Variants in COIL observed in about 807,000 individuals in gnomAD.
The protein encoded by COIL is coilin p80.
Under a neutral mutation model 51.6 loss-of-function variants are expected in COIL, and 28 were observed. The observed-to-expected ratio is 0.54, with a 90% CI of 0.40 to 0.74. COIL has a LOEUF of 0.74. Ranked by LOEUF, COIL falls within the 30% of genes least tolerant of loss-of-function variation. COIL has a pLI of 0.00. For synonymous variants in COIL, 233 were observed against 255.8 expected (o/e 0.91, Z 0.85); for missense variants, 667 against 685.9 (o/e 0.97, Z 0.31).
intron 6 of COIL, chr17:56,939,986 T>A (rs953537732): frequency 6.6e-6 from 1 of 152,042 alleles, no homozygotes; most frequent in Admixed American, 6.6e-5. Flanking sequence ...CGCTCTGTAG[T>A]TCTTATCCTA....
At chr17:56,947,721 T>C (rs1041164842) in intron 4 of COIL, among the ~76,000 whole-genome samples, 1 of 152,180 alleles carries the variant, frequency 6.6e-6, no homozygotes, top group Non-Finnish European at 1.5e-5. Context: ...TTCACCTACC[T>C]TGGCCTCCCA....
intron 4 of COIL, among the ~76,000 whole-genome samples, chr17:56,948,346 A>G (rs911834546): frequency 2.0e-5 from 3 of 151,362 alleles, no homozygotes; most frequent in Admixed American, 2.0e-4. Context: ...TCACTGTGTT[A>G]GCCAGGATGG....
At chr17:56,952,144 G>C (rs1910385583) in intron 1 of COIL, 1 of 465,450 alleles carries the variant, frequency 2.1e-6, no homozygotes. Context: ...GATGAAGCAT[G>C]GTTACACTGG....
rs1182604189 is a variant in COIL, at chr17:56,949,689, C to A, written c.1432G>T (p.Ala478Ser). 1 of 1,613,426 alleles carries A rather than the reference C, an allele frequency of 6.2e-7. No homozygotes were observed. Among genetic ancestry groups the A allele is most frequent in the Non-Finnish European group, 8.5e-7 (1 of 1,179,332 alleles). The change falls in exon 3 of 7, where the codon GCA (alanine) becomes TCA (serine). Residue 478 changes from alanine to serine, a missense_variant. Transcript: ENST00000240316. Reference sequence around the variant, plus strand: ...GTTCTTTTGAAATATACCTTAAATGCAATCTTTTCTCCAACTTGAGGGGCA... The same window carrying A: ...GTTCTTTTGAAATATACCTTAAATGAAATCTTTTCTCCAACTTGAGGGGCA... ...AAAPQVGEKI[A>S]FKLLELTSSY...
chr17:56,947,750 C>T (rs1910277555), intron 4 of COIL, among the ~76,000 whole-genome samples: 1 of 152,120 alleles, frequency 6.6e-6, no homozygotes, highest in African/African-American at 2.4e-5. Context: ...GGATTACAGG[C>T]ATGAGCCACT....
intron 4 of COIL, among the ~76,000 whole-genome samples, chr17:56,948,023 T>C (rs1910282688): frequency 1.3e-5 from 2 of 151,830 alleles, no homozygotes; most frequent in East Asian, 1.9e-4. Context: ...ACCTCATCCA[T>C]AGGAGATAGT....
chr17:56,949,667 C>T lies in COIL; in HGVS notation c.1440+14G>A, dbSNP rs750426333. 1.3e-5 allele frequency: 21 copies of T among 1,608,286 alleles called. No individual in the cohort carries two copies. The highest frequency in any genetic ancestry group is 7.7e-5 in the South Asian group (7 of 90,950). On this transcript the variant is annotated intron_variant, in intron 3 of 6. Transcript: ENST00000240316. ...ATGAACCTTTTTTGCTGTGACTGTTCTTTTGAAATATACCTTAAATGCAAT... is the reference window on the plus strand; with the variant it reads ...ATGAACCTTTTTTGCTGTGACTGTTTTTTTGAAATATACCTTAAATGCAAT...
rs114973444 is a variant in COIL, at chr17:56,944,198, A to G, written c.1559-2075T>C. Among the ~76,000 whole-genome samples, 1,206 of 152,198 alleles carry G rather than the reference A, an allele frequency of 7.9e-3. 18 individuals carry two copies. The highest frequency in any genetic ancestry group is 0.028 in the African/African-American group (1,157 of 41,532). ...CATCACTATTAATCACCTGACAAGCACTGATCAGGCTGTATGCACAGAATT... is the reference window on the plus strand; with the variant it reads ...CATCACTATTAATCACCTGACAAGCGCTGATCAGGCTGTATGCACAGAATT... On this transcript the variant is annotated intron_variant, in intron 5 of 6. Coordinates refer to ENST00000240316, the MANE Select transcript of COIL (RefSeq NM_004645.3).
intron 1 of COIL, among the ~76,000 whole-genome samples, chr17:56,960,270 T>C (rs1294445458): frequency 6.6e-6 from 1 of 150,562 alleles, no homozygotes; most frequent in Non-Finnish European, 1.5e-5. Flanking sequence ...ACGCCTGCAA[T>C]CCCAGCACTT....
chr17:56,953,961 C>G (rs1910433446), intron 1 of COIL, among the ~76,000 whole-genome samples: 1 of 152,266 alleles, frequency 6.6e-6, no homozygotes, highest in African/African-American at 2.4e-5. Context: ...AGTTTGGCAT[C>G]CTGTGAATCT....
At chr17:56,947,174 T>C (rs1271446301) in intron 4 of COIL, among the ~76,000 whole-genome samples, 1 of 152,128 alleles carries the variant, frequency 6.6e-6, no homozygotes, top group Non-Finnish European at 1.5e-5. Flanking sequence ...TGCCTCTACC[T>C]GGAATTTCTG....
In COIL at chr17:56,938,790, GAA is replaced by G. The variant is rs1910089574; in HGVS notation, c.*279_*280del. On this transcript the variant is annotated 3_prime_UTR_variant, in exon 7 of 7. Transcript: ENST00000240316. ...TACTTGATGGCCAAAAACATTTAAA[GAA>G]AGAGAAGAAACCATACTGGTATACA... 1 of 233,362 alleles carries G rather than the reference GAA, an allele frequency of 4.3e-6. No homozygotes were observed. Among genetic ancestry groups the G allele is most frequent in the Non-Finnish European group, 8.2e-6 (1 of 121,908 alleles). The allele number at this position is 233,362 out of a possible 1,614,324, so 14.5% of individuals were successfully genotyped here. A position where few individuals can be genotyped will look rare whatever the true frequency, so the allele number is the denominator to read the frequency against.
intron 3 of COIL, 76 bp from the exon 4 acceptor site, chr17:56,949,510 C>T (rs1910313185): frequency 6.6e-7 from 1 of 1,508,808 alleles, no homozygotes; most frequent in African/African-American, 1.4e-5. Flanking sequence ...TCCATCATGC[C>T]ATGTTGGCGT....
chr17:56,961,034 A>C lies in COIL; in HGVS notation c.-15T>G. 1 of 1,610,510 alleles carries C rather than the reference A, an allele frequency of 6.2e-7. No individual in the cohort carries two copies. The highest frequency in any genetic ancestry group is 8.5e-7 in the Non-Finnish European group (1 of 1,178,416). ...GAAGCTGCCATCTTGCTTGGTGCTC[A>C]ACGGAAGCCGAGAGATACCACGGGG... On this transcript the variant is annotated 5_prime_UTR_variant, in exon 1 of 7. Coordinates refer to ENST00000240316, the MANE Select transcript of COIL (RefSeq NM_004645.3).
intron 4 of COIL, among the ~76,000 whole-genome samples, chr17:56,947,220 A>G (rs1017291241): frequency 6.6e-6 from 1 of 152,174 alleles, no homozygotes; most frequent in Admixed American, 6.5e-5. Flanking sequence ...ACCAGACTCA[A>G]CAGGGAATCA....
intron 5 of COIL, among the ~76,000 whole-genome samples, chr17:56,945,338 A>G (rs923789167): frequency 3.9e-5 from 6 of 152,224 alleles, no homozygotes; most frequent in Non-Finnish European, 7.4e-5. Flanking sequence ...ACTCTGTCAA[A>G]AAAAAAAGGA....
chr17:56,958,098 T>A (rs1341766532), intron 1 of COIL, among the ~76,000 whole-genome samples: 2 of 152,294 alleles, frequency 1.3e-5, no homozygotes, highest in East Asian at 3.9e-4. Context: ...CCAGCTTTTG[T>A]CTCTATAACT....
At chr17:56,945,199 ATGG>A (rs1910223582) in intron 5 of COIL, among the ~76,000 whole-genome samples, 1 of 151,922 alleles carries the variant, frequency 6.6e-6, no homozygotes, top group Admixed American at 6.6e-5. Flanking sequence ...TTAGCTGGAC[ATGG>A]TGGTGTGTGC....
At chr17:56,960,650 C>T (rs531791141) in intron 1 of COIL, 125 bp downstream of exon 1, 5 of 212,448 alleles carry the variant, frequency 2.4e-5, no homozygotes, top group African/African-American at 8.8e-5. Context: ...CCCCCTCCAA[C>T]CCTCGTCCCC....
Sources: gnomAD v4.1 joint callset for allele counts (sites outside exome capture counted in the v4.1 genomes callset) on GRCh38, gnomAD v4.1.1 for gene constraint, MANE v1.5 for transcripts, NCBI Gene and HGNC (gene_info 2026-07-23, HGNC 2026-07-21) for gene names.